Variants in SMARCC1 observed in about 807,000 individuals in gnomAD.
The protein encoded by SMARCC1 is SWI/SNF complex subunit SMARCC1.
A neutral mutation model predicts 147.4 loss-of-function variants in SMARCC1; 43 were observed. The observed-to-expected ratio is 0.29, with a 90% CI of 0.23 to 0.38. SMARCC1 has a LOEUF of 0.38. SMARCC1 is among the 10% of genes least tolerant of loss of function. SMARCC1 has a pLI of 1.00. For missense variants in SMARCC1, 1,119 were observed against 1,381.1 expected (o/e 0.81, Z 3.01); for synonymous variants, 495 against 484.4 (o/e 1.02, Z -0.29).
intron 3 of SMARCC1, 106 bp from the exon 4 acceptor site, chr3:47,738,216 A>G (rs2106831661): frequency 1.5e-6 from 1 of 665,086 alleles, no homozygotes; most frequent in Non-Finnish European, 2.5e-6. Context: ...TTGAAAATTA[A>G]AATAACTCTA....
chr3:47,726,871 T>A (rs1463041628), intron 6 of SMARCC1, among the ~76,000 whole-genome samples: 2 of 152,160 alleles, frequency 1.3e-5, no homozygotes, highest in Non-Finnish European at 2.9e-5. Flanking sequence ...TCCATGTTAT[T>A]AGCATGTGTT....
chr3:47,620,863 A>C (rs1397873996), intron 25 of SMARCC1, among the ~76,000 whole-genome samples: 1 of 152,228 alleles, frequency 6.6e-6, no homozygotes, highest in African/African-American at 2.4e-5. Context: ...GAATCAAGAA[A>C]ATCTCTGAAC....
chr3:47,658,411 C>A (rs2033291718), intron 21 of SMARCC1, among the ~76,000 whole-genome samples: 1 of 152,192 alleles, frequency 6.6e-6, no homozygotes, highest in African/African-American at 2.4e-5. Context: ...AAAGAGATAT[C>A]CTTTTGCTAT....
intron 2 of SMARCC1, among the ~76,000 whole-genome samples, chr3:47,757,414 C>G (rs891115557): frequency 1.3e-5 from 2 of 152,016 alleles, no homozygotes; most frequent in African/African-American, 4.8e-5. Flanking sequence ...TGCATTATAA[C>G]CACAAATCTA....
chr3:47,659,138 AG>A (rs2033303190), intron 21 of SMARCC1, among the ~76,000 whole-genome samples: 7 of 143,950 alleles, frequency 4.9e-5, no homozygotes, highest in African/African-American at 1.8e-4. Context: ...AAAAAAAATG[AG>A]AGAGAGAGAC....
chr3:47,697,404 G>A (rs1359200009), intron 11 of SMARCC1, among the ~76,000 whole-genome samples: 1 of 151,336 alleles, frequency 6.6e-6, no homozygotes, highest in Non-Finnish European at 1.5e-5. Flanking sequence ...GGGTTCAAGC[G>A]ATTCTCTTGC....
chr3:47,599,112 C>T (rs535732540), intron 26 of SMARCC1, among the ~76,000 whole-genome samples: 3 of 152,066 alleles, frequency 2.0e-5, no homozygotes, highest in Middle Eastern at 3.4e-3. Flanking sequence ...ACAGGCTGTG[C>T]GCAGTGGCTC....
intron 15 of SMARCC1, among the ~76,000 whole-genome samples, chr3:47,678,517 TAAC>T (rs1256938030): frequency 2.6e-5 from 4 of 152,228 alleles, no homozygotes; most frequent in Non-Finnish European, 4.4e-5. Context: ...TATTAATGTA[TAAC>T]AACAAGTAAT....
chr3:47,736,132 G>T lies in SMARCC1; in HGVS notation c.484-6C>A, dbSNP rs1394160653. ...GGTCTGGTCAAACAATTGTTCTGAGGATGAAAAGAACAGACTTTCAAATTC... is the reference window on the plus strand; with the variant it reads ...GGTCTGGTCAAACAATTGTTCTGAGTATGAAAAGAACAGACTTTCAAATTC... On this transcript the variant is annotated splice_region_variant and splice_polypyrimidine_tract_variant and intron_variant, in intron 4 of 27. Coordinates refer to ENST00000254480, the MANE Select transcript of SMARCC1 (RefSeq NM_003074.4). 4.7e-6 allele frequency: 7 copies of T among 1,499,884 alleles called. No individual in the cohort carries two copies. The highest frequency in any genetic ancestry group is 6.4e-6 in the Non-Finnish European group (7 of 1,089,936). The allele number at this position is 1,499,884 out of a possible 1,614,324, so 92.9% of individuals were successfully genotyped here. A position where few individuals can be genotyped will look rare whatever the true frequency, so the allele number is the denominator to read the frequency against.
Position 47,720,194 on chromosome 3 carries a change from G to A in SMARCC1, c.716+472C>T, listed in dbSNP as rs1020279490. On this transcript the variant is annotated intron_variant, in intron 7 of 27. Coordinates refer to ENST00000254480, the MANE Select transcript of SMARCC1 (RefSeq NM_003074.4). ...GCTGGAGGGAAACGGCGCAATCTCG[G>A]CTCACTGAAACCTCCACCTCCCGGG... Among the ~76,000 whole-genome samples, 4 of 152,208 alleles carry A rather than the reference G, an allele frequency of 2.6e-5. No individual in the cohort carries two copies. In the South Asian group the frequency reaches 8.3e-4, roughly 32 times the overall value.
chr3:47,626,878 T>A (rs924602626), intron 24 of SMARCC1, among the ~76,000 whole-genome samples: 2 of 152,178 alleles, frequency 1.3e-5, no homozygotes, highest in African/African-American at 4.8e-5. Flanking sequence ...GGGGAAATTC[T>A]GAGACTACAT....
At chr3:47,663,067 A>G (rs1473427899) in intron 19 of SMARCC1, among the ~76,000 whole-genome samples, 1 of 141,490 alleles carries the variant, frequency 7.1e-6, no homozygotes. Flanking sequence ...CAAGAGTGAT[A>G]GAAAGAAAGA....
intron 9 of SMARCC1, among the ~76,000 whole-genome samples, chr3:47,708,679 A>G (rs1333846818): frequency 6.6e-6 from 1 of 152,246 alleles, no homozygotes; most frequent in Non-Finnish European, 1.5e-5. Flanking sequence ...CCTCAGCACC[A>G]TAAGACAGTG....
rs371205757 is a variant in SMARCC1 at position 47,733,088 on chromosome 3, A to G, written c.576+2946T>C. Among the ~76,000 whole-genome samples, 197 of 152,290 alleles carry G rather than the reference A, an allele frequency of 1.3e-3. 3 individuals carry two copies. In the South Asian group the frequency reaches 0.039, roughly 30 times the overall value. ...CACCACTGCGCTCCAGCTGGGCGAC[A>G]GAGAAAGACTTCATCTCAAAAAAAA... On this transcript the variant is annotated intron_variant, in intron 5 of 27. Transcript: ENST00000254480.
intron 24 of SMARCC1, among the ~76,000 whole-genome samples, chr3:47,623,595 T>C (rs569233114): frequency 5.3e-5 from 8 of 152,310 alleles, no homozygotes; most frequent in Non-Finnish European, 1.0e-4. Flanking sequence ...TAAACTACAA[T>C]GAGCTACATC....
At chr3:47,716,431 A>C (rs1331094955) in intron 7 of SMARCC1, among the ~76,000 whole-genome samples, 1 of 151,292 alleles carries the variant, frequency 6.6e-6, no homozygotes, top group Non-Finnish European at 1.5e-5. Flanking sequence ...AAAAAAAAAA[A>C]AAAAAAAACC....
At chr3:47,655,861 G>A (rs1337716570) in intron 21 of SMARCC1, among the ~76,000 whole-genome samples, 2 of 152,020 alleles carry the variant, frequency 1.3e-5, no homozygotes, top group Non-Finnish European at 2.9e-5. Context: ...CATAATGATA[G>A]AAAAGAAAAA....
intron 21 of SMARCC1, among the ~76,000 whole-genome samples, chr3:47,648,020 A>T (rs2033140721): frequency 1.3e-5 from 2 of 152,072 alleles, no homozygotes; most frequent in South Asian, 4.1e-4. Flanking sequence ...TTTGAGACAG[A>T]GTCTCACTCT....
intron 8 of SMARCC1, among the ~76,000 whole-genome samples, chr3:47,713,270 A>G (rs1037513513): frequency 1.8e-4 from 27 of 152,052 alleles, no homozygotes; most frequent in African/African-American, 6.0e-4. Flanking sequence ...GTAAGCCGAG[A>G]TCGCGCCACT....
Sources: gnomAD v4.1 joint callset for allele counts (sites outside exome capture counted in the v4.1 genomes callset) on GRCh38, gnomAD v4.1.1 for gene constraint, MANE v1.5 for transcripts, NCBI Gene and HGNC (gene_info 2026-07-23, HGNC 2026-07-21) for gene names.